The following NTM variants were observed in gnomAD, a reference collection of about 807,000 sequenced individuals.
NTM encodes IgLON family member 2.
A neutral mutation model predicts 42.1 loss-of-function variants in NTM; 13 were observed. That is an observed-to-expected ratio of 0.31 (90% CI 0.20 to 0.49). NTM has a LOEUF of 0.49. Ranked by LOEUF, NTM falls within the 20% of genes least tolerant of loss-of-function variation. NTM has a pLI of 0.99. For missense variants in NTM, 373 were observed against 452.8 expected, an observed-to-expected ratio of 0.82 and a Z score of 1.60; for synonymous variants, 187 against 179.2, an observed-to-expected ratio of 1.04 and a Z score of -0.35.
chr11:131,553,335 A>G (rs1259294246), intron 1 of NTM, among the ~76,000 whole-genome samples: 2 of 152,198 alleles, frequency 1.3e-5, no homozygotes, highest in Non-Finnish European at 2.9e-5. Flanking sequence ...AGACTTAAGC[A>G]ACCTGGATGA....
At chr11:131,674,103 G>T (rs1431727092) in intron 1 of NTM, among the ~76,000 whole-genome samples, 4 of 152,248 alleles carry the variant, frequency 2.6e-5, no homozygotes, top group African/African-American at 9.6e-5. Context: ...GGGTGAGCAG[G>T]TAGGCAGGAG....
At chr11:131,820,792 T>C (rs1165626762) in intron 1 of NTM, among the ~76,000 whole-genome samples, 6 of 152,228 alleles carry the variant, frequency 3.9e-5, no homozygotes, top group Non-Finnish European at 5.9e-5. Flanking sequence ...GTAAATGAGC[T>C]GGAGTGTTCT....
chr11:131,936,011 T>A (rs2059172797), intron 2 of NTM, among the ~76,000 whole-genome samples: 1 of 151,828 alleles, frequency 6.6e-6, no homozygotes, highest in South Asian at 2.1e-4. Flanking sequence ...CATGGAAATT[T>A]TATATATATA....
At chr11:132,134,003 A>G (rs959380404) in intron 2 of NTM, among the ~76,000 whole-genome samples, 1 of 152,124 alleles carries the variant, frequency 6.6e-6, no homozygotes, top group Non-Finnish European at 1.5e-5. Flanking sequence ...CCAAATCTTT[A>G]TTCTTTGTTT....
intron 3 of NTM, among the ~76,000 whole-genome samples, chr11:132,161,320 A>C (rs1375220178): frequency 8.2e-6 from 1 of 121,974 alleles, no homozygotes. Flanking sequence ...CTTCTTTGCT[A>C]TTTTCCACCT....
chr11:131,468,415 A>G lies in NTM; in HGVS notation c.82+97527A>G, dbSNP rs1952099593. On this transcript the variant is annotated intron_variant, in intron 1 of 8. Coordinates refer to ENST00000683400, the MANE Select transcript of NTM (RefSeq NM_001352005.2). ...TTAGCACATGCCAGCTGCATCTCTG[A>G]GAACCAGGAAGCAGCAACAATTTCT... Among the ~76,000 whole-genome samples, 3 of 152,264 alleles carry G rather than the reference A, an allele frequency of 2.0e-5. No homozygotes were observed. The South Asian group carries it at 6.2e-4, about 31-fold the overall frequency.
Position 132,331,648 on chromosome 11 carries a change from C to A in NTM, c.967+1463C>A, listed in dbSNP as rs143993323. The stretch of plus-strand genomic sequence containing the variant: ...GACTCTGCTCTTAAGGAACTTACTG[C>A]ACAGAGGACAGAGGAGGAAATACAA... On this transcript the variant is annotated intron_variant, in intron 8 of 8. Coordinates refer to ENST00000683400, the MANE Select transcript of NTM (RefSeq NM_001352005.2). Among the ~76,000 whole-genome samples, 11 of 152,226 alleles carry A rather than the reference C, an allele frequency of 7.2e-5. No homozygotes were observed. In the East Asian group the frequency reaches 1.7e-3, roughly 24 times the overall value.
intron 1 of NTM, among the ~76,000 whole-genome samples, chr11:131,773,376 G>A (rs1565529450): frequency 6.6e-6 from 1 of 152,234 alleles, no homozygotes; most frequent in African/African-American, 2.4e-5. Context: ...ATACAGTTGA[G>A]AGTGACACAT....
intron 4 of NTM, among the ~76,000 whole-genome samples, chr11:132,223,766 G>A (rs1034798617): frequency 1.3e-5 from 2 of 152,170 alleles, no homozygotes; most frequent in South Asian, 2.1e-4. Flanking sequence ...CATGAGTTTC[G>A]AGTCAGAAAT....
intron 1 of NTM, among the ~76,000 whole-genome samples, chr11:131,788,060 G>T (rs911970605): frequency 2.6e-5 from 4 of 152,048 alleles, no homozygotes; most frequent in African/African-American, 4.8e-5. Context: ...ACTCACAAAG[G>T]ACTTTTCAAT....
At chr11:131,594,192 G>A (rs2059621524) in intron 1 of NTM, among the ~76,000 whole-genome samples, 1 of 152,166 alleles carries the variant, frequency 6.6e-6, no homozygotes, top group African/African-American at 2.4e-5. Flanking sequence ...TAATTCATTT[G>A]TCATTTGTAA....
chr11:132,244,186 G>A (rs2090683553), intron 4 of NTM, among the ~76,000 whole-genome samples: 1 of 152,124 alleles, frequency 6.6e-6, no homozygotes, highest in Non-Finnish European at 1.5e-5. Context: ...GTGTAGAAGG[G>A]AGGGATGGCC....
chr11:131,792,052 G>C (rs2091010832), intron 1 of NTM, among the ~76,000 whole-genome samples: 2 of 152,082 alleles, frequency 1.3e-5, no homozygotes. Context: ...TGCATTTGGG[G>C]CATGAATAAC....
At chr11:131,395,500 G>A (rs190168821) in intron 1 of NTM, among the ~76,000 whole-genome samples, 22 of 151,974 alleles carry the variant, frequency 1.4e-4, no homozygotes, top group Middle Eastern at 3.4e-3. Flanking sequence ...CTCTTTCTGA[G>A]ACTTGGATTT....
intron 1 of NTM, among the ~76,000 whole-genome samples, chr11:131,601,599 T>C (rs1332446656): frequency 1.3e-5 from 2 of 152,024 alleles, no homozygotes; most frequent in African/African-American, 4.8e-5. Flanking sequence ...TTTTTTTTTT[T>C]TAAGGCAGCC....
intron 2 of NTM, among the ~76,000 whole-genome samples, chr11:132,144,356 C>T (rs996709871): frequency 4.6e-5 from 7 of 152,146 alleles, no homozygotes; most frequent in African/African-American, 9.7e-5. Context: ...TCATGTGCAC[C>T]GTAAAGCTTG....
At chr11:131,472,291 C>T (rs932720607) in intron 1 of NTM, among the ~76,000 whole-genome samples, 30 of 152,288 alleles carry the variant, frequency 2.0e-4, no homozygotes, top group Middle Eastern at 3.4e-3. Flanking sequence ...TCTCCGGTAC[C>T]ACTCTTGCCC....
Position 132,167,886 on chromosome 11 carries a change from T to C in NTM, c.400+21372T>C, listed in dbSNP as rs1026246169. Among the ~76,000 whole-genome samples, 116 of 152,230 alleles carry C rather than the reference T, an allele frequency of 7.6e-4. 2 individuals are homozygous for C. The highest frequency in any genetic ancestry group is 2.5e-4 in the Non-Finnish European group (17 of 68,012). On this transcript the variant is annotated intron_variant, in intron 3 of 8. Coordinates refer to ENST00000683400, the MANE Select transcript of NTM (RefSeq NM_001352005.2). ...GATATCCAGACCAGAAAGAAACAGA[T>C]AGGATGAAGCCTGTTTTGCCCACAA...
chr11:131,438,573 C>T (rs1309787828), intron 1 of NTM, among the ~76,000 whole-genome samples: 8 of 152,302 alleles, frequency 5.3e-5, no homozygotes, highest in Admixed American at 1.3e-4. Context: ...TTGATCGAAT[C>T]GGCTGTTGAA....
Sources: allele counts gnomAD v4.1 joint callset (sites outside exome capture counted in the v4.1 genomes callset), GRCh38; gene constraint gnomAD v4.1.1; transcripts MANE v1.5; gene names NCBI Gene and HGNC (gene_info 2026-07-23, HGNC 2026-07-21).